KPNA7: variants seen among roughly 807,000 people sequenced by gnomAD.
The protein encoded by KPNA7 is importin subunit alpha-8.
Under a neutral mutation model 53.7 loss-of-function variants are expected in KPNA7, and 54 were observed. That is an observed-to-expected ratio of 1.01 (90% CI 0.81 to 1.26). The LOEUF is 1.26. Ranked by LOEUF, KPNA7 falls within the 50% of genes most tolerant of loss-of-function variation. KPNA7 has a pLI of 0.00. For missense variants in KPNA7, 640 were observed against 644.5 expected (o/e 0.99, Z 0.07); for synonymous variants, 276 against 259.3 (o/e 1.06, Z -0.62).
chr7:99,199,408 T>C (rs1424398002), intron 3 of KPNA7, among the ~76,000 whole-genome samples: 1 of 152,164 alleles, frequency 6.6e-6, no homozygotes. Context: ...TATAGATCAA[T>C]GGAAGAGAAC....
rs112952255 is a variant in KPNA7 at position 99,180,564 on chromosome 7, T to C, written c.1317+1319A>G. ...GTCTGTCTCCGTCTGTCTCTGTCTC[T>C]GTCCATCTGTCTCTGTCCATCTCTC... On this transcript the variant is annotated intron_variant, in intron 9 of 10. Transcript: ENST00000327442. Among the ~76,000 whole-genome samples, 26 of 151,148 alleles carry C rather than the reference T, an allele frequency of 1.7e-4. 2 individuals are homozygous for C. Among genetic ancestry groups the C allele is most frequent in the Non-Finnish European group, 3.5e-4 (24 of 67,820 alleles).
At chr7:99,184,494 AT>A (rs1326803920) in intron 8 of KPNA7, among the ~76,000 whole-genome samples, 1 of 152,078 alleles carries the variant, frequency 6.6e-6, no homozygotes, top group Non-Finnish European at 1.5e-5. Flanking sequence ...TTAGATTTGA[AT>A]TTTGTTGACA....
upstream of KPNA7, among the ~76,000 whole-genome samples, chr7:99,210,690 G>T (rs1443492252): frequency 1.3e-5 from 2 of 152,070 alleles, no homozygotes; most frequent in African/African-American, 2.4e-5. Flanking sequence ...TTGAGCTCAA[G>T]TGATCCTCCT....
At chr7:99,188,897 G>A (rs1423853862) in intron 6 of KPNA7, among the ~76,000 whole-genome samples, 1 of 152,062 alleles carries the variant, frequency 6.6e-6, no homozygotes, top group Non-Finnish European at 1.5e-5. Context: ...GCCCAGACTG[G>A]TCTTGAACTC....
chr7:99,160,060 T>C, the KPNA7 span, among the ~76,000 whole-genome samples: 1 of 141,306 alleles, frequency 7.1e-6, no homozygotes, highest in Non-Finnish European at 1.5e-5. Flanking sequence ...TGTCTCGCTC[T>C]GTTGCCCAGG....
intron 9 of KPNA7, among the ~76,000 whole-genome samples, chr7:99,179,204 T>TA (rs1408304741): frequency 1.6e-4 from 24 of 152,178 alleles, no homozygotes; most frequent in African/African-American, 5.3e-4. Context: ...AGTGGACTTC[T>TA]AAAAGGAGCT....
rs1407398591 is a variant in KPNA7, at chr7:99,185,785, G to GTGTTT, written c.901-628_901-624dup. Among the ~76,000 whole-genome samples, 6 of 148,966 alleles carry GTGTTT rather than the reference G, an allele frequency of 4.0e-5. No homozygotes were observed. The South Asian group carries it at 8.5e-4, about 21-fold the overall frequency. ...ATCATCAAATGCTAAATTGACGATA[G>GTGTTT]TGTTTTGTTTGTTTGTTTGTTTTTT... On this transcript the variant is annotated intron_variant, in intron 7 of 10. Coordinates refer to ENST00000327442, the MANE Select transcript of KPNA7 (RefSeq NM_001145715.3).
At chr7:99,191,471 AG>A (rs1341861521) in intron 6 of KPNA7, among the ~76,000 whole-genome samples, 2 of 152,138 alleles carry the variant, frequency 1.3e-5, no homozygotes, top group Non-Finnish European at 2.9e-5. Context: ...GGCAACCAGA[AG>A]GGCCTTTCTG....
the KPNA7 span, among the ~76,000 whole-genome samples, chr7:99,148,232 C>G: frequency 6.6e-6 from 1 of 152,134 alleles, no homozygotes; most frequent in Non-Finnish European, 1.5e-5. Flanking sequence ...ACTCGGTGAG[C>G]CTCCTCAAGT....
At chr7:99,160,022 T>TTG in the KPNA7 span, among the ~76,000 whole-genome samples, 1 of 71,730 alleles carries the variant, frequency 1.4e-5, no homozygotes, top group Admixed American at 1.7e-4. Context: ...TTTTTGTTTT[T>TTG]TTTTTTTTTT....
chr7:99,209,926 A>G (rs1791016063), upstream of KPNA7, among the ~76,000 whole-genome samples: 1 of 151,898 alleles, frequency 6.6e-6, no homozygotes, highest in South Asian at 2.1e-4. Context: ...GGATTTCTGG[A>G]GCCCAGGAAG....
rs139918706 is a variant in KPNA7 at position 99,192,815 on chromosome 7, C to T, written c.636+204G>A. ...CCCAACATTAGAATTTGTTACCTAA[C>T]GAGGTTCTCTCTCATTTAAAGACAT... is the stretch of plus-strand genomic sequence containing the variant. On this transcript the variant is annotated intron_variant, in intron 6 of 10. Transcript: ENST00000327442. Among the ~76,000 whole-genome samples the T allele has an allele frequency of 2.0e-3, 306 of 152,140 alleles. 1 individual carries two copies. Among genetic ancestry groups the T allele is most frequent in the African/African-American group, 6.6e-3 (276 of 41,510 alleles).
intron 10 of KPNA7, among the ~76,000 whole-genome samples, chr7:99,176,291 A>C (rs1208451389): frequency 1.0e-5 from 1 of 98,304 alleles, no homozygotes; most frequent in Non-Finnish European, 2.1e-5. Context: ...GAGCGAGACT[A>C]CGTCTCAAAA....
At chr7:99,196,633 T>C (rs1416001535) in intron 3 of KPNA7, among the ~76,000 whole-genome samples, 1 of 152,168 alleles carries the variant, frequency 6.6e-6, no homozygotes, top group Non-Finnish European at 1.5e-5. Context: ...GCATGAGAGC[T>C]TTGTGGCATT....
At chr7:99,216,431 C>T (rs1160278962) in intron 1 of KPNA7, among the ~76,000 whole-genome samples, 2 of 152,174 alleles carry the variant, frequency 1.3e-5, no homozygotes, top group African/African-American at 2.4e-5. Flanking sequence ...TTATTTATCC[C>T]TGGGGTCTCA....
chr7:99,180,782 T>C (rs1261797333), intron 9 of KPNA7, among the ~76,000 whole-genome samples: 1 of 72,152 alleles, frequency 1.4e-5, no homozygotes, highest in African/African-American at 3.9e-5. Context: ...TCTCTCTCTC[T>C]CCCCGTCTGT....
intron 9 of KPNA7, among the ~76,000 whole-genome samples, chr7:99,178,574 AAATT>A (rs928531890): frequency 2.0e-5 from 3 of 151,932 alleles, no homozygotes; most frequent in Non-Finnish European, 4.4e-5. Context: ...TCTCAAAAAA[AAATT>A]AATAAAGAAG....
At chr7:99,207,582 AG>A (rs1258980335) in intron 1 of KPNA7, 93 bp from the exon 2 acceptor site, 3 of 436,726 alleles carry the variant, frequency 6.9e-6, no homozygotes, top group African/African-American at 6.6e-5. Flanking sequence ...AAGGGCTCAC[AG>A]TGGAGCAAAG....
At chr7:99,161,033 G>A in the KPNA7 span, among the ~76,000 whole-genome samples, 201 of 152,108 alleles carry the variant, frequency 1.3e-3, 1 homozygote, top group African/African-American at 1.9e-3. Context: ...GCTTATTTTC[G>A]TATATTTTAG....
Sources: allele counts gnomAD v4.1 joint callset (sites outside exome capture counted in the v4.1 genomes callset), GRCh38; gene constraint gnomAD v4.1.1; transcripts MANE v1.5; gene names NCBI Gene and HGNC (gene_info 2026-07-23, HGNC 2026-07-21).